Variants in NKIRAS2 observed in about 807,000 individuals in gnomAD.
The protein encoded by NKIRAS2 is NF-kappa-B inhibitor-interacting Ras-like protein 2.
A neutral mutation model predicts 20.7 loss-of-function variants in NKIRAS2; 15 were observed. That is an observed-to-expected ratio of 0.73 (90% confidence interval 0.49 to 1.12). NKIRAS2 has a LOEUF of 1.12. NKIRAS2 is among the 50% of genes most tolerant of loss of function. The pLI, the probability that NKIRAS2 is intolerant of heterozygous loss-of-function variation, is 0.00. For synonymous variants in NKIRAS2, 116 were observed against 101.4 expected, an observed-to-expected ratio of 1.14 and a Z score of -0.87; for missense variants, 196 against 249.6, an observed-to-expected ratio of 0.79 and a Z score of 1.45.
chr17:42,020,593 G>A (rs1158196876), intron 1 of NKIRAS2: 1 of 152,186 alleles, frequency 6.6e-6, no homozygotes, highest in Non-Finnish European at 1.5e-5. Context: ...CAGTCCAAGG[G>A]CAGCAAAAAG....
upstream of NKIRAS2, among the ~76,000 whole-genome samples, chr17:42,019,162 A>G (rs1457013542): frequency 2.6e-5 from 4 of 152,002 alleles, no homozygotes; most frequent in Admixed American, 6.6e-5. Context: ...AGTCCCAGCT[A>G]TTTGGGAGGC....
rs782767517 is a variant in NKIRAS2 at position 42,022,455 on chromosome 17, C to G, written c.151C>G (p.Arg51Gly). ...DIYVGSIETD[R>G]GVREQVRFYD... Reference sequence around the variant, plus strand: ...CTACGTGGGCTCCATTGAGACAGACCGGGGGGTGCGAGAGCAGGTGCGTTT... The same window carrying G: ...CTACGTGGGCTCCATTGAGACAGACGGGGGGGTGCGAGAGCAGGTGCGTTT... Residue 51 changes from arginine (R) to glycine (G), a missense_variant, in exon 3 of 4, where the codon CGG (arginine) becomes GGG (glycine). By Grantham distance (125) the Arg-to-Gly change is moderately radical. Transcript: ENST00000393885. 3 of 1,610,864 alleles carry G rather than the reference C, an allele frequency of 1.9e-6. No homozygotes were observed. Among genetic ancestry groups the G allele is most frequent in the East Asian group, 2.2e-5 (1 of 44,752 alleles).
In NKIRAS2 at chr17:42,023,917, A is replaced by G. The variant is rs782133088; in HGVS notation, c.*24A>G. The G allele has an allele frequency of 8.7e-6, 14 of 1,610,410 alleles. No individual in the cohort carries two copies. In the Admixed American group the frequency reaches 2.2e-4, roughly 25 times the overall value. ...GAAGAGCTGCCGTTCCTCTTTCACG[A>G]TCCCAGCCCCATTTCAGTGTCTGGG... On this transcript the variant is annotated 3_prime_UTR_variant, in exon 4 of 4. Coordinates refer to ENST00000393885, the MANE Select transcript of NKIRAS2 (RefSeq NM_017595.6).
Position 42,021,676 on chromosome 17 carries a change from G to T in NKIRAS2, c.94+5G>T. On this transcript the variant is annotated splice_donor_5th_base_variant and intron_variant, in intron 2 of 3. Coordinates refer to ENST00000393885, the MANE Select transcript of NKIRAS2 (RefSeq NM_017595.6). ...TGTATGGGAACCATGTAGTGGGTGA[G>T]TGTTGTTGGAGGGGGAGGAACAGTG... 2.5e-6 allele frequency: 4 copies of T among 1,613,250 alleles called. No homozygotes were observed. Among genetic ancestry groups the T allele is most frequent in the Non-Finnish European group, 1.7e-6 (2 of 1,179,218 alleles).
upstream of NKIRAS2, chr17:42,017,621 G>A (rs1211573956): frequency 1.8e-5 from 11 of 625,232 alleles, no homozygotes; most frequent in Non-Finnish European, 3.0e-5. Context: ...CCCAGGGGCT[G>A]TGCCGGTGCG....
Position 42,023,779 on chromosome 17 carries a change from G to C in NKIRAS2, c.462G>C (p.Arg154=), listed in dbSNP as rs782424526. ...TGTGGGAGGTGTCAGTGGCGGACCG[G>C]CGCTCCCTCCTGGAGCCCTTTGTCT... is the stretch of plus-strand genomic sequence containing the variant. ...VKLWEVSVAD[R]RSLLEPFVYL... The change falls in exon 4 of 4, where the codon CGG becomes CGC. Residue 154 remains arginine (R), a synonymous_variant. Transcript: ENST00000393885. 5.6e-6 allele frequency: 9 copies of C among 1,614,040 alleles called. No individual in the cohort carries two copies. The highest frequency in any genetic ancestry group is 6.8e-6 in the Non-Finnish European group (8 of 1,180,052).
intron 2 of NKIRAS2, chr17:42,022,102 G>A (rs35675068): frequency 4.1e-5 from 18 of 435,912 alleles, no homozygotes; most frequent in African/African-American, 2.4e-4. Flanking sequence ...CCAGCTATTC[G>A]GGAGGCCGAG....
At position 42,024,800 on chromosome 17, in the gene NKIRAS2, C is replaced by G. The variant is rs991795627; in HGVS notation, c.*907C>G. On this transcript the variant is annotated 3_prime_UTR_variant, in exon 4 of 4. Transcript: ENST00000393885. ...AAGAAAAAAAAAAAAAATTCCCCAC[C>G]CCTACCAATTGTTTTACTTCCTCTT... 2 of 152,366 alleles carry G rather than the reference C, an allele frequency of 1.3e-5. No homozygotes were observed. Among genetic ancestry groups the G allele is most frequent in the African/African-American group, 4.8e-5 (2 of 41,408 alleles). The allele number at this position is 152,366 out of a possible 1,614,324, so 9.4% of individuals were successfully genotyped here. A position where few individuals can be genotyped will look rare whatever the true frequency, so the allele number is the denominator to read the frequency against.
chr17:42,022,000 G>A (rs113941469), intron 2 of NKIRAS2: 54 of 560,908 alleles, frequency 9.6e-5, no homozygotes, highest in African/African-American at 8.2e-4. Context: ...ACCTCAGGTC[G>A]GGAGTTCGAG....
intron 3 of NKIRAS2, chr17:42,022,896 C>A (rs2052492202): frequency 2.3e-6 from 1 of 432,020 alleles, no homozygotes; most frequent in Non-Finnish European, 4.3e-6. Flanking sequence ...TTGAAGGGGT[C>A]ACTGACCTAA....
chr17:42,022,698 C>G (rs1335423632), intron 3 of NKIRAS2, 58 bp downstream of exon 3: 1 of 1,563,534 alleles, frequency 6.4e-7, no homozygotes, highest in Non-Finnish European at 8.7e-7. Flanking sequence ...GGGCGGAGGG[C>G]TGGTTTGGGA....
In NKIRAS2 at chr17:42,023,942, G is replaced by A; in HGVS notation, c.*49G>A. 1 of 1,597,774 alleles carries A rather than the reference G, an allele frequency of 6.3e-7. No homozygotes were observed. Among genetic ancestry groups the A allele is most frequent in the Non-Finnish European group, 8.5e-7 (1 of 1,171,492 alleles). ...ATCCCAGCCCCATTTCAGTGTCTGG[G>A]GCTCTGGTAGATGTGTTGAGGGCAA... is the stretch of plus-strand genomic sequence containing the variant. On this transcript the variant is annotated 3_prime_UTR_variant, in exon 4 of 4. Transcript: ENST00000393885.
upstream of NKIRAS2, chr17:42,017,596 G>A (rs1555652214): frequency 1.3e-6 from 1 of 750,340 alleles, no homozygotes; most frequent in Non-Finnish European, 2.1e-6. Context: ...GGTGGTCTCC[G>A]CGCCGGGGCG....
At chr17:42,018,421 A>G (rs2052364681), upstream of NKIRAS2, 1 of 152,220 alleles carries the variant, frequency 6.6e-6, no homozygotes, top group Non-Finnish European at 1.5e-5. Context: ...GGGCAAAGGA[A>G]TTTTAAAAGG....
chr17:42,023,013 GT>G, intron 3 of NKIRAS2: 1 of 295,506 alleles, frequency 3.4e-6, no homozygotes, highest in South Asian at 2.8e-5. Context: ...TTGTTTGTTT[GT>G]TTGTTTGAGA....
chr17:42,023,575 C>A, intron 3 of NKIRAS2, 79 bp from the exon 4 acceptor site: 1 of 1,342,564 alleles, frequency 7.4e-7, no homozygotes, highest in South Asian at 1.3e-5. Context: ...CATAGAACTC[C>A]TAGGTGGTTG....
chr17:42,024,811 G>T lies in NKIRAS2; in HGVS notation c.*918G>T, dbSNP rs977233232. 6.6e-6 allele frequency: 1 copy of T among 151,436 alleles called. No homozygotes were observed. The highest frequency in any genetic ancestry group is 1.5e-5 in the Non-Finnish European group (1 of 68,072). 9.4% of individuals were successfully genotyped at this position (151,436 alleles called of 1,614,324 possible). On this transcript the variant is annotated 3_prime_UTR_variant, in exon 4 of 4. Coordinates refer to ENST00000393885, the MANE Select transcript of NKIRAS2 (RefSeq NM_017595.6). ...AAAAAATTCCCCACCCCTACCAATT[G>T]TTTTACTTCCTCTTCCTGCTCAGGG...
chr17:42,024,051 T>G lies in NKIRAS2; in HGVS notation c.*158T>G. On this transcript the variant is annotated 3_prime_UTR_variant, in exon 4 of 4. Coordinates refer to ENST00000393885, the MANE Select transcript of NKIRAS2 (RefSeq NM_017595.6). ...CAGCCACTTTGCTCCCTCTCACCTC[T>G]GGGAAGTGCAAATACTCTTGGTTGA... 1 of 1,152,824 alleles carries G rather than the reference T, an allele frequency of 8.7e-7. No individual in the cohort carries two copies. The highest frequency in any genetic ancestry group is 1.2e-6 in the Non-Finnish European group (1 of 839,528). The allele number at this position is 1,152,824 out of a possible 1,614,324, so 71.4% of individuals were successfully genotyped here.
intron 1 of NKIRAS2, 71 bp downstream of exon 1, chr17:42,020,275 T>C (rs1240636709): frequency 1.3e-5 from 2 of 152,414 alleles, no homozygotes; most frequent in Non-Finnish European, 2.9e-5. Flanking sequence ...TTTAGGTGGC[T>C]GGTCTCTGCC....
Sources: allele counts gnomAD v4.1 joint callset (sites outside exome capture counted in the v4.1 genomes callset), GRCh38; gene constraint gnomAD v4.1.1; transcripts MANE v1.5; gene names NCBI Gene and HGNC (gene_info 2026-07-23, HGNC 2026-07-21).